AGBL4: variants seen among roughly 807,000 people sequenced by gnomAD.
AGBL4 encodes cytosolic carboxypeptidase 6.
AGBL4 carries 58 observed loss-of-function variants against 66.4 expected under a neutral mutation model. The observed-to-expected ratio is 0.87, with a 90% CI of 0.71 to 1.09. AGBL4 has a LOEUF of 1.09. Among genes scored for constraint, AGBL4 ranks in the 50% least tolerant of loss-of-function variants. The probability of loss-of-function intolerance (pLI) is 0.00; values close to 1 mark genes in which losing one functional copy is unlikely to be tolerated. For missense variants in AGBL4, 579 were observed against 631.0 expected (o/e 0.92, Z 0.88); for synonymous variants, 234 against 222.9 (o/e 1.05, Z -0.44).
intron 3 of AGBL4, among the ~76,000 whole-genome samples, chr1:49,295,461 G>T (rs938139779): frequency 6.6e-6 from 1 of 152,128 alleles, no homozygotes; most frequent in Non-Finnish European, 1.5e-5. Flanking sequence ...TTGGGGATTT[G>T]GGATAATATA....
chr1:49,414,717 C>T (rs1334638349), intron 3 of AGBL4, among the ~76,000 whole-genome samples: 1 of 152,066 alleles, frequency 6.6e-6, no homozygotes, highest in Non-Finnish European at 1.5e-5. Context: ...TACACAAAGG[C>T]TAGGTTCAAA....
chr1:49,284,654 G>C (rs868817855), intron 3 of AGBL4, among the ~76,000 whole-genome samples: 51 of 152,228 alleles, frequency 3.4e-4, no homozygotes, highest in Admixed American at 4.6e-4. Flanking sequence ...CACACATAGG[G>C]TCAAAATAAA....
intron 6 of AGBL4, among the ~76,000 whole-genome samples, chr1:48,806,618 CTCTT>C (rs1645929592): frequency 6.6e-6 from 1 of 152,220 alleles, no homozygotes; most frequent in Non-Finnish European, 1.5e-5. Context: ...CATAAGCCTG[CTCTT>C]TCTTTGTTGT....
intron 1 of AGBL4, among the ~76,000 whole-genome samples, chr1:50,020,141 C>T (rs1285859333): frequency 2.0e-5 from 3 of 152,030 alleles, no homozygotes; most frequent in African/African-American, 7.2e-5. Context: ...CCATGATACA[C>T]AGTTCAGGTA....
At chr1:49,957,580 T>C (rs1174339967) in intron 1 of AGBL4, among the ~76,000 whole-genome samples, 1 of 152,028 alleles carries the variant, frequency 6.6e-6, no homozygotes, top group Non-Finnish European at 1.5e-5. Flanking sequence ...TAGTTAGCTC[T>C]TCTTGTTGAA....
chr1:49,848,316 T>C (rs1646209608), intron 2 of AGBL4, among the ~76,000 whole-genome samples: 1 of 152,006 alleles, frequency 6.6e-6, no homozygotes, highest in African/African-American at 2.4e-5. Flanking sequence ...ATCCCACTAC[T>C]GGGTATCTGC....
chr1:49,319,085 A>T (rs1275823028), intron 3 of AGBL4, among the ~76,000 whole-genome samples: 2 of 152,220 alleles, frequency 1.3e-5, no homozygotes, highest in Non-Finnish European at 2.9e-5. Context: ...GTTTTTATTT[A>T]TGAAATATGT....
chr1:48,765,995 T>C (rs140758459), intron 6 of AGBL4, among the ~76,000 whole-genome samples: 64 of 152,302 alleles, frequency 4.2e-4, no homozygotes, highest in African/African-American at 1.5e-3. Flanking sequence ...AATTAAGTAG[T>C]AGTGATGGTT....
chr1:49,779,633 G>C (rs1245832829), intron 2 of AGBL4, among the ~76,000 whole-genome samples: 1 of 152,160 alleles, frequency 6.6e-6, no homozygotes, highest in African/African-American at 2.4e-5. Flanking sequence ...ATACACACGA[G>C]TATGGCTGGC....
At chr1:48,731,032 G>GACA (rs1648043174) in intron 6 of AGBL4, among the ~76,000 whole-genome samples, 1 of 152,120 alleles carries the variant, frequency 6.6e-6, no homozygotes, top group Admixed American at 6.5e-5. Flanking sequence ...TAAAATCAAA[G>GACA]AGAAGAAGAA....
intron 6 of AGBL4, among the ~76,000 whole-genome samples, chr1:48,766,079 A>G (rs1382618250): frequency 6.6e-6 from 1 of 152,236 alleles, no homozygotes; most frequent in African/African-American, 2.4e-5. Flanking sequence ...TAAAATTCAC[A>G]TTGAATGAAA....
intron 3 of AGBL4, among the ~76,000 whole-genome samples, chr1:49,302,319 C>A (rs1644760089): frequency 1.3e-5 from 2 of 151,626 alleles, no homozygotes. Flanking sequence ...ATGGCGCAAT[C>A]TTGGCTCAAT....
chr1:48,744,395 T>C (rs1392194359), intron 6 of AGBL4, among the ~76,000 whole-genome samples: 2 of 152,238 alleles, frequency 1.3e-5, no homozygotes, highest in Non-Finnish European at 2.9e-5. Context: ...AAGTGGAGCA[T>C]TTGATCTTTT....
chr1:49,263,069 A>AC (rs1442761524), intron 3 of AGBL4, among the ~76,000 whole-genome samples: 1 of 149,056 alleles, frequency 6.7e-6, no homozygotes, highest in East Asian at 2.0e-4. Flanking sequence ...AAAACCAAAC[A>AC]CCGCATGTTC....
chr1:49,403,143 T>C lies in AGBL4; in HGVS notation c.283-157279A>G, dbSNP rs182156150. Among the ~76,000 whole-genome samples, 8 of 152,350 alleles carry C rather than the reference T, an allele frequency of 5.3e-5. No individual in the cohort carries two copies. In the East Asian group the frequency reaches 1.3e-3, roughly 26 times the overall value. On this transcript the variant is annotated intron_variant, in intron 3 of 13. Transcript: ENST00000371839. ...TTTCTTTAGCTATAATAGTATTTGC[T>C]TTATATATGTGAGTGCTACAGTGTT...
At chr1:48,962,142 A>C (rs1286361521) in intron 5 of AGBL4, among the ~76,000 whole-genome samples, 1 of 141,608 alleles carries the variant, frequency 7.1e-6, no homozygotes, top group East Asian at 2.1e-4. Context: ...TCCATCCATC[A>C]TCCATCCAAC....
chr1:49,243,642 T>C (rs570736174), intron 4 of AGBL4, among the ~76,000 whole-genome samples: 1 of 151,900 alleles, frequency 6.6e-6, no homozygotes, highest in South Asian at 2.1e-4. Context: ...ATTCATCCTG[T>C]ATCCCAATAT....
chr1:49,969,751 A>G (rs1571981870), intron 1 of AGBL4, among the ~76,000 whole-genome samples: 1 of 152,176 alleles, frequency 6.6e-6, no homozygotes, highest in Non-Finnish European at 1.5e-5. Context: ...TTCTTTATCT[A>G]TTCATCCACT....
intron 1 of AGBL4, among the ~76,000 whole-genome samples, chr1:49,963,332 T>C (rs1657274279): frequency 6.6e-6 from 1 of 152,060 alleles, no homozygotes; most frequent in South Asian, 2.1e-4. Flanking sequence ...AAGCAGTGAG[T>C]GTTTGCTAGT....
Sources: gnomAD v4.1 joint callset for allele counts (sites outside exome capture counted in the v4.1 genomes callset) on GRCh38, gnomAD v4.1.1 for gene constraint, MANE v1.5 for transcripts, NCBI Gene and HGNC (gene_info 2026-07-23, HGNC 2026-07-21) for gene names.